Variants in MCM10 observed in about 807,000 individuals in gnomAD.
MCM10 encodes the protein protein MCM10 homolog.
MCM10 carries 91 observed loss-of-function variants against 109.9 expected under a neutral mutation model. The ratio of observed to expected loss-of-function variants is 0.83; its 90% CI spans 0.70 to 0.99. The LOEUF is 0.99. Ranked by LOEUF, MCM10 falls within the 50% of genes least tolerant of loss-of-function variation. The pLI, the probability that MCM10 is intolerant of heterozygous loss-of-function variation, is 0.00. For missense variants in MCM10, 1,077 were observed against 1,061.2 expected, an observed-to-expected ratio of 1.01 and a Z score of -0.21; for synonymous variants, 380 against 387.2, an observed-to-expected ratio of 0.98 and a Z score of 0.22.
intron 14 of MCM10, among the ~76,000 whole-genome samples, chr10:13,195,984 G>A (rs928972408): frequency 6.6e-6 from 1 of 152,008 alleles, no homozygotes; most frequent in African/African-American, 2.4e-5. Flanking sequence ...GTTCACTGCA[G>A]CCTCAACCTC....
chr10:13,199,858 T>C lies in MCM10; in HGVS notation c.2238+1051T>C, dbSNP rs758176833. Among the ~76,000 whole-genome samples, 81 of 152,164 alleles carry C rather than the reference T, an allele frequency of 5.3e-4. 2 individuals are homozygous for C. Among genetic ancestry groups the C allele is most frequent in the Non-Finnish European group, 1.5e-4 (10 of 68,030 alleles). ...ATAATGTAGGGGTTTTGTCAGGGGT[T>C]GGAGGGGTGTTCAGACAGGGTCTCC... On this transcript the variant is annotated intron_variant, in intron 16 of 19. Coordinates refer to ENST00000378714, the MANE Select transcript of MCM10 (RefSeq NM_018518.5).
chr10:13,191,425 T>C (rs1307386947), intron 11 of MCM10, 26 bp downstream of exon 11: 1 of 1,583,098 alleles, frequency 6.3e-7, no homozygotes, highest in East Asian at 2.2e-5. Flanking sequence ...CATAAGAAAT[T>C]TCTTTCTCCA....
At chr10:13,165,823 C>T (rs1398570947) in intron 2 of MCM10, among the ~76,000 whole-genome samples, 1 of 144,024 alleles carries the variant, frequency 6.9e-6, no homozygotes, top group Admixed American at 7.2e-5. Flanking sequence ...TGCATTGCAT[C>T]GAGATCCCAC....
At chr10:13,173,142 G>C (rs960436254) in intron 5 of MCM10, among the ~76,000 whole-genome samples, 1 of 152,092 alleles carries the variant, frequency 6.6e-6, no homozygotes, top group Non-Finnish European at 1.5e-5. Context: ...GTTGAGGCTA[G>C]AGTGAGCTGT....
At chr10:13,181,704 T>C (rs1470060701) in intron 7 of MCM10, among the ~76,000 whole-genome samples, 1 of 152,176 alleles carries the variant, frequency 6.6e-6, no homozygotes, top group African/African-American at 2.4e-5. Flanking sequence ...AATTAAAGAT[T>C]ACCCGGTCTT....
chr10:13,169,179 C>T lies in MCM10; in HGVS notation c.8-1743C>T, dbSNP rs75701262. On this transcript the variant is annotated intron_variant, in intron 2 of 19. Transcript: ENST00000378714. ...TTTTCCACCCTATGCAAATGGCATA[C>T]CTAGTCCAGCCAATCTTTTATGTCC... Among the ~76,000 whole-genome samples, 13 of 152,328 alleles carry T rather than the reference C, an allele frequency of 8.5e-5. No homozygotes were observed. The East Asian group carries it at 2.5e-3, about 29-fold the overall frequency.
intron 17 of MCM10, among the ~76,000 whole-genome samples, chr10:13,203,624 G>A (rs1446555009): frequency 6.6e-6 from 1 of 152,096 alleles, no homozygotes; most frequent in Admixed American, 6.6e-5. Flanking sequence ...TGTAATTCCC[G>A]GAAGTTACAT....
At chr10:13,161,649 G>GCGGGGC (rs1833928499) in intron 1 of MCM10, 43 bp downstream of exon 1, 1 of 152,488 alleles carries the variant, frequency 6.6e-6, no homozygotes, top group South Asian at 2.1e-4. Context: ...CCCTCGGGCG[G>GCGGGGC]CGGGGCCGGG....
At position 13,180,612 on chromosome 10, in the gene MCM10, G is replaced by C. The variant is rs1199350703; in HGVS notation, c.930+5G>C. ...ACGCCACAGAGTGTGAATAGTGTAA[G>C]CCATTGTATTGGTTTCTTAGCTGTT... On this transcript the variant is annotated splice_donor_5th_base_variant and intron_variant, in intron 7 of 19. Coordinates refer to ENST00000378714, the MANE Select transcript of MCM10 (RefSeq NM_018518.5). The C allele has an allele frequency of 1.2e-6, 2 of 1,613,628 alleles. No homozygotes were observed. The highest frequency in any genetic ancestry group is 2.2e-5 in the South Asian group (2 of 90,952).
rs551051018 is a variant in MCM10 at position 13,204,449 on chromosome 10, GTT to G, written c.2498+86_2498+87del. The G allele has an allele frequency of 7.3e-4, 1,108 of 1,516,990 alleles. 13 individuals are homozygous for G. In the African/African-American group the frequency reaches 0.014, roughly 19 times the overall value. 94.0% of individuals were successfully genotyped at this position (1,516,990 alleles called of 1,614,324 possible). ...GTCTGTGATTCTGTTCCCTTGGAAC[GTT>G]GGATGATCATTCCATGCCTTCCTAT... On this transcript the variant is annotated intron_variant, in intron 18 of 19. Coordinates refer to ENST00000378714, the MANE Select transcript of MCM10 (RefSeq NM_018518.5).
intron 9 of MCM10, among the ~76,000 whole-genome samples, chr10:13,187,429 T>C (rs1834289816): frequency 6.6e-6 from 1 of 152,284 alleles, no homozygotes; most frequent in South Asian, 2.1e-4. Context: ...TGAATAATGC[T>C]GCTAAAACAC....
At position 13,171,027 on chromosome 10, in the gene MCM10, A is replaced by C. The variant is rs1834064225; in HGVS notation, c.113A>C (p.Glu38Ala). The change falls in exon 3 of 20, where the codon GAG (glutamate) becomes GCG (alanine). Residue 38 changes from glutamate to alanine, a missense_variant. Transcript: ENST00000378714. ...ENNFLTRENG[E>A]PDAFDELFDA... is the part of the protein sequence containing the mutation. ...AACTTCTTGACGCGGGAAAATGGCG[A>C]GCCCGACGCATTTGATGAGCTCTTT... The C allele has an allele frequency of 6.2e-7, 1 of 1,614,114 alleles. No individual in the cohort carries two copies. Among genetic ancestry groups the C allele is most frequent in the African/African-American group, 1.3e-5 (1 of 74,934 alleles).
rs940823109 is a variant in MCM10, at chr10:13,185,462, G to A, written c.1099-702G>A. Among the ~76,000 whole-genome samples, 5 of 152,300 alleles carry A rather than the reference G, an allele frequency of 3.3e-5. No homozygotes were observed. The South Asian group carries it at 6.2e-4, about 19-fold the overall frequency. ...ATTCAAGGCAAGAAGTGAAGAGGAAGGGGGAGCCAGCCTCCTAACTCATTT... is the reference window on the plus strand; with the variant it reads ...ATTCAAGGCAAGAAGTGAAGAGGAAAGGGGAGCCAGCCTCCTAACTCATTT... On this transcript the variant is annotated intron_variant, in intron 8 of 19. Transcript: ENST00000378714.
chr10:13,199,665 T>C (rs1166952515), intron 16 of MCM10, among the ~76,000 whole-genome samples: 1 of 152,182 alleles, frequency 6.6e-6, no homozygotes, highest in Non-Finnish European at 1.5e-5. Flanking sequence ...ATGAAAAGAT[T>C]TGTGATAAAG....
At chr10:13,175,216 T>C (rs904977631) in intron 5 of MCM10, among the ~76,000 whole-genome samples, 1 of 152,094 alleles carries the variant, frequency 6.6e-6, no homozygotes, top group Non-Finnish European at 1.5e-5. Flanking sequence ...GGTGGATTGC[T>C]TGGGCTCAGG....
At chr10:13,207,506 T>C (rs1284319795) in intron 18 of MCM10, among the ~76,000 whole-genome samples, 1 of 152,172 alleles carries the variant, frequency 6.6e-6, no homozygotes, top group Admixed American at 6.5e-5. Context: ...AATTGTGATA[T>C]GGTTTGGCTG....
intron 6 of MCM10, among the ~76,000 whole-genome samples, chr10:13,176,377 A>C (rs966406976): frequency 6.6e-6 from 1 of 152,076 alleles, no homozygotes; most frequent in Non-Finnish European, 1.5e-5. Flanking sequence ...CTGTATCACT[A>C]CTCCATTGCA....
At chr10:13,197,806 T>A (rs763924131) in intron 15 of MCM10, 39 bp downstream of exon 15, 7 of 1,586,350 alleles carry the variant, frequency 4.4e-6, no homozygotes, top group Non-Finnish European at 6.0e-6. Flanking sequence ...AAAGAGAAAC[T>A]GTTTCTAAGG....
In MCM10 at chr10:13,192,305, G is replaced by C; in HGVS notation, c.1567G>C (p.Asp523His). 6.2e-7 allele frequency: 1 copy of C among 1,614,166 alleles called. No individual in the cohort carries two copies. The highest frequency in any genetic ancestry group is 2.2e-5 in the East Asian group (1 of 44,882). The change falls in exon 12 of 20, where the codon GAC becomes CAC. Residue 523 changes from aspartate (D) to histidine (H), a missense_variant. Asp to His is a moderately conservative substitution (Grantham distance 81). Coordinates refer to ENST00000378714, the MANE Select transcript of MCM10 (RefSeq NM_018518.5). Reference sequence around the variant, plus strand: ...CTCTGAGGAGTTCAAGGAACTGATGGACCTGCCGACGTGTGGAGCCAGGAA... The same window carrying C: ...CTCTGAGGAGTTCAAGGAACTGATGCACCTGCCGACGTGTGGAGCCAGGAA... ...SCSEEFKELMDLPTCGARNLK... is the reference protein window; with the variant it reads ...SCSEEFKELMHLPTCGARNLK...
Sources: allele counts gnomAD v4.1 joint callset (sites outside exome capture counted in the v4.1 genomes callset), GRCh38; gene constraint gnomAD v4.1.1; transcripts MANE v1.5; gene names NCBI Gene and HGNC (gene_info 2026-07-23, HGNC 2026-07-21).